The following UNC80 variants were observed in gnomAD, a reference collection of about 807,000 sequenced individuals.
UNC80 encodes unc-80 subunit of NALCN channel complex.
In UNC80, 164 loss-of-function variants were observed where a neutral mutation model predicts 384.6. The ratio of observed to expected loss-of-function variants is 0.43; its 90% CI spans 0.38 to 0.49. The LOEUF (loss-of-function observed/expected upper bound fraction) is 0.49, where lower values mean the gene tolerates loss of function less well. Among genes scored for constraint, UNC80 ranks in the 20% least tolerant of loss-of-function variants. UNC80 has a pLI of 0.00. For missense variants in UNC80, 3,330 were observed against 4,143.0 expected (o/e 0.80, Z 5.39); for synonymous variants, 1,486 against 1,527.8 (o/e 0.97, Z 0.64).
intron 6 of UNC80, among the ~76,000 whole-genome samples, chr2:209,790,219 G>T (rs902508284): frequency 6.6e-6 from 1 of 152,128 alleles, no homozygotes; most frequent in Non-Finnish European, 1.5e-5. Flanking sequence ...AAGCTACATA[G>T]AAATCGATAC....
In UNC80 at chr2:209,825,910, G is replaced by T. The variant is rs1415400363; in HGVS notation, c.2335G>T (p.Glu779Ter). ...EKNDKNQEKD[E>*]STPVSNHRLA... ...CTTTCTCATTCGTGGGTACCAGGATGAAAGTACACCTGTAAGCAACCATAG... is the reference window on the plus strand; with the variant it reads ...CTTTCTCATTCGTGGGTACCAGGATTAAAGTACACCTGTAAGCAACCATAG... The change falls in exon 14 of 65, where the codon GAA (glutamate) becomes TAA (stop). Residue 779 changes from glutamate to a stop codon, truncating the protein, a stop_gained. Transcript: ENST00000673920. LOFTEE classifies it high-confidence loss of function. The T allele has an allele frequency of 6.5e-7, 1 of 1,536,554 alleles. No individual in the cohort carries two copies. Among genetic ancestry groups the T allele is most frequent in the Non-Finnish European group, 8.8e-7 (1 of 1,141,540 alleles).
intron 58 of UNC80, among the ~76,000 whole-genome samples, chr2:209,977,835 A>G (rs1239274756): frequency 1.3e-5 from 2 of 152,206 alleles, no homozygotes; most frequent in South Asian, 4.1e-4. Flanking sequence ...TTGCCATTAG[A>G]GGGCAGTCAT....
At chr2:209,985,943 CG>C (rs1028981546) in intron 61 of UNC80, among the ~76,000 whole-genome samples, 19 of 150,160 alleles carry the variant, frequency 1.3e-4, no homozygotes, top group Admixed American at 4.6e-4. Flanking sequence ...AGTCCATCAT[CG>C]GGTGTATTTT....
At chr2:209,811,405 G>A (rs373527131) in intron 7 of UNC80, among the ~76,000 whole-genome samples, 1 of 152,190 alleles carries the variant, frequency 6.6e-6, no homozygotes, top group East Asian at 1.9e-4. Flanking sequence ...CCAGGGAGTG[G>A]AGGAATAAGA....
At chr2:209,890,632 C>A (rs777409999) in intron 26 of UNC80, among the ~76,000 whole-genome samples, 2 of 152,178 alleles carry the variant, frequency 1.3e-5, no homozygotes, top group Non-Finnish European at 2.9e-5. Context: ...TATATAGTAA[C>A]TCACTATGTG....
chr2:209,864,979 C>A (rs2083614701), intron 22 of UNC80, among the ~76,000 whole-genome samples: 1 of 152,156 alleles, frequency 6.6e-6, no homozygotes, highest in Non-Finnish European at 1.5e-5. Context: ...GGCGTGAGTT[C>A]GTGAGGGGCA....
At position 209,777,280 on chromosome 2, in the gene UNC80, T is replaced by G; in HGVS notation, c.321T>G (p.Val107=). 12 of 1,600,330 alleles carry G rather than the reference T, an allele frequency of 7.5e-6. No individual in the cohort carries two copies. The highest frequency in any genetic ancestry group is 1.0e-5 in the Non-Finnish European group (12 of 1,174,530). The part of the protein sequence containing the change: ...NKLGHQDKLG[V]AETKLLHTLH... ...CAGGCCACCAGGATAAATTGGGTGT[T>G]GCTGAGACAAAGCTCCTTCACACTC... Residue 107 remains valine (V), a synonymous_variant, in exon 4 of 65, where the codon GTT becomes GTG. Coordinates refer to ENST00000673920, the MANE Select transcript of UNC80 (RefSeq NM_001371986.1).
chr2:209,995,672 T>C lies in UNC80; in HGVS notation c.*77T>C. On this transcript the variant is annotated 3_prime_UTR_variant, in exon 65 of 65. Transcript: ENST00000673920. ...TCTACTACAAGTTCAATACTTTTGC[T>C]TGAAAAAGATTAATTACAAAATAGC... 2.0e-6 allele frequency: 3 copies of C among 1,463,916 alleles called. No homozygotes were observed. Among genetic ancestry groups the C allele is most frequent in the Non-Finnish European group, 2.7e-6 (3 of 1,096,014 alleles). The allele number at this position is 1,463,916 out of a possible 1,614,324, so 90.7% of individuals were successfully genotyped here. A position where few individuals can be genotyped will look rare whatever the true frequency, so the allele number is the denominator to read the frequency against.
rs887944842 is a variant in UNC80, at chr2:209,834,947, T to C, written c.2978T>C (p.Val993Ala). 8 of 1,550,892 alleles carry C rather than the reference T, an allele frequency of 5.2e-6. No homozygotes were observed. Among genetic ancestry groups the C allele is most frequent in the Non-Finnish European group, 6.1e-6 (7 of 1,146,482 alleles). ...EAGSIVDKGQVSSAPEECRSF... is the reference protein window; with the variant it reads ...EAGSIVDKGQASSAPEECRSF... The stretch of plus-strand genomic sequence containing the variant: ...GGAAGCATTGTGGATAAAGGCCAGG[T>C]ATCCTCTGCACCTGAGGAATGTCGC... Residue 993 changes from valine to alanine, a missense_variant, in exon 18 of 65, where the codon GTA (valine) becomes GCA (alanine). This residue lies in a region of UNC80 where 801 missense variants were observed against 950.8 expected (regional missense o/e 0.84). Coordinates refer to ENST00000673920, the MANE Select transcript of UNC80 (RefSeq NM_001371986.1).
intron 29 of UNC80, among the ~76,000 whole-genome samples, chr2:209,911,803 G>A (rs533652092): frequency 1.3e-5 from 2 of 152,170 alleles, no homozygotes; most frequent in South Asian, 2.1e-4. Context: ...GCCTGCCTTC[G>A]TTAGGTTCAG....
chr2:209,954,320 TG>T, intron 48 of UNC80, 50 bp downstream of exon 48: 14 of 1,328,632 alleles, frequency 1.1e-5, no homozygotes, highest in South Asian at 6.6e-5. Flanking sequence ...ATGTTTCCAC[TG>T]AAAAAAAAAA....
intron 36 of UNC80, among the ~76,000 whole-genome samples, chr2:209,928,838 C>G (rs1559345510): frequency 6.6e-6 from 1 of 152,176 alleles, no homozygotes; most frequent in Non-Finnish European, 1.5e-5. Flanking sequence ...CTCCCGCCTC[C>G]CCTTCCTAGC....
At chr2:209,987,472 T>C (rs1034397813) in intron 61 of UNC80, among the ~76,000 whole-genome samples, 4 of 152,206 alleles carry the variant, frequency 2.6e-5, no homozygotes, top group East Asian at 1.9e-4. Context: ...CTTAGAGATA[T>C]AGAAATTCAT....
chr2:209,898,310 G>A (rs747948702), intron 28 of UNC80, among the ~76,000 whole-genome samples: 21 of 151,872 alleles, frequency 1.4e-4, no homozygotes, highest in Non-Finnish European at 2.5e-4. Context: ...ATACTCAGAT[G>A]ATTGATTTGC....
At position 209,839,211 on chromosome 2, in the gene UNC80, C is replaced by T; in HGVS notation, c.3042-11C>T. The T allele has an allele frequency of 6.4e-7, 1 of 1,550,892 alleles. No individual in the cohort carries two copies. Among genetic ancestry groups the T allele is most frequent in the South Asian group, 1.2e-5 (1 of 84,014 alleles). Reference sequence around the variant, plus strand: ...GTCAGAAGTTTAACCCTATCCTCTGCTTGCCTACAGCGATGAACAAATGCA... The same window carrying T: ...GTCAGAAGTTTAACCCTATCCTCTGTTTGCCTACAGCGATGAACAAATGCA... On this transcript the variant is annotated splice_polypyrimidine_tract_variant and intron_variant, in intron 18 of 64. Coordinates refer to ENST00000673920, the MANE Select transcript of UNC80 (RefSeq NM_001371986.1). The surrounding 1 kb of genome is among the most constrained non-coding windows in gnomAD (Gnocchi z 4.1).
At chr2:209,807,355 C>T in intron 7 of UNC80, among the ~76,000 whole-genome samples, 1 of 139,838 alleles carries the variant, frequency 7.2e-6, no homozygotes. Flanking sequence ...AAGAAGCTTC[C>T]CTCATGTCAT....
chr2:209,980,071 C>T (rs988698376), intron 59 of UNC80, among the ~76,000 whole-genome samples: 5 of 152,160 alleles, frequency 3.3e-5, no homozygotes, highest in African/African-American at 4.8e-5. Flanking sequence ...GGCCTATAGA[C>T]ACATTTCTGT....
chr2:209,837,102 C>T (rs58461898), intron 18 of UNC80, among the ~76,000 whole-genome samples: 13,791 of 150,816 alleles, frequency 0.091, 968 homozygotes, highest in East Asian at 0.23. Context: ...ACAGAATACC[C>T]TATTTTTTAA....
intron 2 of UNC80, among the ~76,000 whole-genome samples, chr2:209,774,148 G>C (rs928562731): frequency 2.6e-5 from 4 of 152,194 alleles, no homozygotes; most frequent in South Asian, 4.1e-4. Context: ...ATGTGTTAGG[G>C]CAAAAAATTC....
Sources: allele counts gnomAD v4.1 joint callset (sites outside exome capture counted in the v4.1 genomes callset), GRCh38; gene constraint gnomAD v4.1.1; regional missense constraint gnomAD v4.1.1; non-coding constraint Gnocchi (gnomAD v3.1); transcripts MANE v1.5; gene names NCBI Gene and HGNC (gene_info 2026-07-23, HGNC 2026-07-21).